The following TMEM178B variants were observed in gnomAD, a reference collection of about 807,000 sequenced individuals.
The protein encoded by TMEM178B is transmembrane protein 178B.
In TMEM178B, 5 loss-of-function variants were observed where a neutral mutation model predicts 31.0. That is an observed-to-expected ratio of 0.16 (90% CI 0.08 to 0.34). The LOEUF (loss-of-function observed/expected upper bound fraction) is 0.34. Ranked by LOEUF, TMEM178B falls within the 10% of genes least tolerant of loss-of-function variation. TMEM178B has a pLI of 1.00. For synonymous variants in TMEM178B, 164 were observed against 164.0 expected (o/e 1.00, Z 0.00); for missense variants, 275 against 400.3 (o/e 0.69, Z 2.67).
At chr7:141,411,432 T>C (rs915725661) in intron 2 of TMEM178B, among the ~76,000 whole-genome samples, 2 of 152,180 alleles carry the variant, frequency 1.3e-5, no homozygotes, top group Non-Finnish European at 2.9e-5. Context: ...TTATGTTATG[T>C]ATAAACATAA....
intron 2 of TMEM178B, among the ~76,000 whole-genome samples, chr7:141,356,339 T>C (rs1449031515): frequency 6.6e-6 from 1 of 152,066 alleles, no homozygotes; most frequent in Non-Finnish European, 1.5e-5. Context: ...CCACAAATAG[T>C]GTATAAGCTT....
At chr7:141,155,723 T>C (rs1796058495) in intron 1 of TMEM178B, among the ~76,000 whole-genome samples, 1 of 152,174 alleles carries the variant, frequency 6.6e-6, no homozygotes, top group African/African-American at 2.4e-5. Flanking sequence ...TCTTTTGTTA[T>C]TCAATCTCTG....
At chr7:141,371,015 A>G (rs953632840) in intron 2 of TMEM178B, among the ~76,000 whole-genome samples, 1 of 152,268 alleles carries the variant, frequency 6.6e-6, no homozygotes, top group Non-Finnish European at 1.5e-5. Flanking sequence ...GAATGGGCAC[A>G]TGGGTGGAAA....
intron 2 of TMEM178B, among the ~76,000 whole-genome samples, chr7:141,372,588 G>C (rs985825359): frequency 6.6e-6 from 1 of 151,924 alleles, no homozygotes; most frequent in African/African-American, 2.4e-5. Flanking sequence ...GCAACCCCAG[G>C]GGACAATCAC....
intron 2 of TMEM178B, among the ~76,000 whole-genome samples, chr7:141,392,762 G>T (rs1800568931): frequency 6.6e-6 from 1 of 151,806 alleles, no homozygotes; most frequent in Admixed American, 6.6e-5. Flanking sequence ...GGAGAGAAAA[G>T]ATCAAATCTG....
chr7:141,424,922 A>G (rs755482090), intron 2 of TMEM178B, among the ~76,000 whole-genome samples: 1 of 152,238 alleles, frequency 6.6e-6, no homozygotes, highest in Non-Finnish European at 1.5e-5. Context: ...TTGAAGTGGC[A>G]CGGATCATGA....
At chr7:141,139,401 G>C (rs181171880) in intron 1 of TMEM178B, among the ~76,000 whole-genome samples, 1 of 152,226 alleles carries the variant, frequency 6.6e-6, no homozygotes, top group East Asian at 1.9e-4. Flanking sequence ...GCCCAAGCTG[G>C]AGTTCAGTGA....
chr7:141,152,218 G>A (rs1471740866), intron 1 of TMEM178B, among the ~76,000 whole-genome samples: 2 of 152,182 alleles, frequency 1.3e-5, no homozygotes, highest in African/African-American at 4.8e-5. Flanking sequence ...AGGAGGCTGG[G>A]AAAGACTCTT....
chr7:141,443,444 C>T (rs1801697445), intron 3 of TMEM178B, among the ~76,000 whole-genome samples: 2 of 152,178 alleles, frequency 1.3e-5, no homozygotes, highest in Non-Finnish European at 1.5e-5. Flanking sequence ...TTGTTTTTGA[C>T]GATCTTGGCA....
At chr7:141,495,467 C>G in the TMEM178B span, among the ~76,000 whole-genome samples, 1 of 152,174 alleles carries the variant, frequency 6.6e-6, no homozygotes, top group Non-Finnish European at 1.5e-5. Flanking sequence ...AGTGCCTTAT[C>G]AAAGAGAAGC....
Position 141,086,180 on chromosome 7 carries a change from C to T in TMEM178B, c.382+11488C>T, listed in dbSNP as rs528266859. Among the ~76,000 whole-genome samples, 226 of 151,496 alleles carry T rather than the reference C, an allele frequency of 1.5e-3. 1 individual carries two copies. Among genetic ancestry groups the T allele is most frequent in the African/African-American group, 4.4e-3 (179 of 40,900 alleles). On this transcript the variant is annotated intron_variant, in intron 1 of 3. Coordinates refer to ENST00000565468, the MANE Select transcript of TMEM178B (RefSeq NM_001195278.2). ...CCTGCTGAGTAGCTGGGACTACAGG[C>T]GCCTGCCACCACTGCTGGCTAATTT...
chr7:141,324,643 C>T (rs959543934), intron 2 of TMEM178B, among the ~76,000 whole-genome samples: 4 of 151,508 alleles, frequency 2.6e-5, no homozygotes, highest in Non-Finnish European at 4.4e-5. Context: ...GGTTGCCTCC[C>T]GGTTTTGAGA....
chr7:141,161,881 ATG>A (rs1244151135), intron 1 of TMEM178B, among the ~76,000 whole-genome samples: 7 of 152,028 alleles, frequency 4.6e-5, no homozygotes, highest in African/African-American at 1.7e-4. Flanking sequence ...TGTGTGGTAT[ATG>A]AGTGCAGCAG....
intron 1 of TMEM178B, among the ~76,000 whole-genome samples, chr7:141,094,154 G>A (rs547916165): frequency 6.6e-6 from 1 of 152,214 alleles, no homozygotes; most frequent in African/African-American, 2.4e-5. Context: ...TGCTGGATAG[G>A]GTTGAAGTAG....
At chr7:141,223,926 G>C (rs377089109) in intron 2 of TMEM178B, among the ~76,000 whole-genome samples, 29 of 152,128 alleles carry the variant, frequency 1.9e-4, no homozygotes, top group African/African-American at 7.0e-4. Flanking sequence ...AAACTGACGT[G>C]GTTTGACTGT....
At chr7:141,351,360 C>T (rs905207444) in intron 2 of TMEM178B, among the ~76,000 whole-genome samples, 3 of 152,248 alleles carry the variant, frequency 2.0e-5, no homozygotes, top group Non-Finnish European at 4.4e-5. Flanking sequence ...GGCAGGCTGG[C>T]CTAGAATGGC....
chr7:141,186,393 G>A (rs1796610270), intron 1 of TMEM178B, among the ~76,000 whole-genome samples: 1 of 152,130 alleles, frequency 6.6e-6, no homozygotes, highest in African/African-American at 2.4e-5. Flanking sequence ...CCTGGCAGGG[G>A]TGTAAACTGC....
At chr7:141,105,636 A>C (rs924370094) in intron 1 of TMEM178B, among the ~76,000 whole-genome samples, 1 of 152,218 alleles carries the variant, frequency 6.6e-6, no homozygotes, top group Non-Finnish European at 1.5e-5. Context: ...ATTCGTAATG[A>C]CTTCTTCCAA....
chr7:141,416,300 G>A (rs17576764), intron 2 of TMEM178B: 14,588 of 152,754 alleles, frequency 0.096, 973 homozygotes, highest in East Asian at 0.14. Context: ...CTACAAGCAC[G>A]GAAGGCCCTG....
Sources: gnomAD v4.1 joint callset for allele counts (sites outside exome capture counted in the v4.1 genomes callset) on GRCh38, gnomAD v4.1.1 for gene constraint, MANE v1.5 for transcripts, NCBI Gene and HGNC (gene_info 2026-07-23, HGNC 2026-07-21) for gene names.